MSRA: variants seen among roughly 807,000 people sequenced by gnomAD.
MSRA encodes the protein mitochondrial peptide methionine sulfoxide reductase.
Under a neutral mutation model 31.3 loss-of-function variants are expected in MSRA, and 54 were observed. That is an observed-to-expected ratio of 1.73 (90% confidence interval 1.39 to 2.17). MSRA has a LOEUF of 2.17. Among genes scored for constraint, MSRA ranks in the 30% most tolerant of loss-of-function variants. The pLI is 0.00. For missense variants in MSRA, 507 were observed against 300.9 expected (o/e 1.69, Z -5.07); for synonymous variants, 169 against 116.5 (o/e 1.45, Z -2.90).
At chr8:10,209,956 A>AT (rs1809328052) in intron 2 of MSRA, among the ~76,000 whole-genome samples, 1 of 152,212 alleles carries the variant, frequency 6.6e-6, no homozygotes, top group Non-Finnish European at 1.5e-5. Context: ...GCTCTTCCAG[A>AT]TGCTTAAATT....
At chr8:10,135,527 G>A (rs1228137441) in intron 1 of MSRA, among the ~76,000 whole-genome samples, 2 of 152,250 alleles carry the variant, frequency 1.3e-5, no homozygotes, top group Non-Finnish European at 2.9e-5. Context: ...AATGTGCCAG[G>A]TATTATATTA....
chr8:10,252,921 G>A (rs2952208), intron 3 of MSRA, among the ~76,000 whole-genome samples: 11 of 152,176 alleles, frequency 7.2e-5, no homozygotes, highest in African/African-American at 1.7e-4. Context: ...GTATCTAGGC[G>A]AAATCATGTG....
intron 1 of MSRA, among the ~76,000 whole-genome samples, chr8:10,205,259 G>A (rs1321343275): frequency 6.6e-6 from 1 of 152,094 alleles, no homozygotes; most frequent in African/African-American, 2.4e-5. Context: ...CCGGAAAAAG[G>A]GGTCATGACA....
intron 5 of MSRA, among the ~76,000 whole-genome samples, chr8:10,423,737 A>G (rs1808955059): frequency 6.6e-6 from 1 of 152,044 alleles, no homozygotes; most frequent in Admixed American, 6.5e-5. Flanking sequence ...ACTGGCCAGG[A>G]CTCTGTGACA....
intron 5 of MSRA, among the ~76,000 whole-genome samples, chr8:10,395,567 G>T (rs1386578709): frequency 6.6e-6 from 1 of 152,170 alleles, no homozygotes; most frequent in African/African-American, 2.4e-5. Flanking sequence ...ACTGATGTTC[G>T]AGGAGTTTGA....
rs370775815 is a variant in MSRA at position 10,195,681 on chromosome 8, C to G, written c.143-12152C>G. 2.6e-5 allele frequency among the ~76,000 whole-genome samples: 4 copies of G among 152,304 alleles called. 1 individual carries two copies. The highest frequency in any genetic ancestry group is 2.6e-4 in the Admixed American group (4 of 15,288). On this transcript the variant is annotated intron_variant, in intron 1 of 5. Coordinates refer to ENST00000317173, the MANE Select transcript of MSRA (RefSeq NM_012331.5). ...CAGCTGGCCTGAGCAAAACTGATATCTATGTTTATATCTACAATGATTCCT... is the reference window on the plus strand; with the variant it reads ...CAGCTGGCCTGAGCAAAACTGATATGTATGTTTATATCTACAATGATTCCT...
At chr8:10,332,449 A>T (rs1802757983) in intron 5 of MSRA, among the ~76,000 whole-genome samples, 1 of 144,128 alleles carries the variant, frequency 6.9e-6, no homozygotes, top group Non-Finnish European at 1.5e-5. Flanking sequence ...CAAAAAGAAA[A>T]ATCCCCCCTC....
chr8:10,380,295 G>T (rs1805988905), intron 5 of MSRA, among the ~76,000 whole-genome samples: 1 of 152,154 alleles, frequency 6.6e-6, no homozygotes, highest in African/African-American at 2.4e-5. Flanking sequence ...ACCTCCTTTG[G>T]AAGCTTTTTC....
intron 1 of MSRA, among the ~76,000 whole-genome samples, chr8:10,148,312 T>C (rs886712902): frequency 2.0e-5 from 3 of 152,114 alleles, no homozygotes; most frequent in South Asian, 4.1e-4. Flanking sequence ...TTTCTTTTTT[T>C]TTTTTTTATG....
chr8:10,095,791 A>G, intron 1 of MSRA: 1 of 1,201,164 alleles, frequency 8.3e-7, no homozygotes, highest in African/African-American at 1.6e-5. Context: ...AATGACGTTT[A>G]GTCACCAGTA....
chr8:10,111,080 C>G (rs1320940702), intron 1 of MSRA, among the ~76,000 whole-genome samples: 1 of 152,112 alleles, frequency 6.6e-6, no homozygotes, highest in East Asian at 1.9e-4. Flanking sequence ...TTGATTTGAC[C>G]AAGTGTAGCA....
At chr8:10,325,837 T>C (rs7006402) in intron 5 of MSRA, among the ~76,000 whole-genome samples, 38,698 of 152,116 alleles carry the variant, frequency 0.25, 6,376 homozygotes, top group East Asian at 0.61. Context: ...GACTGGGCTT[T>C]CCTGTGTTTT....
chr8:10,343,706 G>C (rs1446832695), intron 5 of MSRA, among the ~76,000 whole-genome samples: 1 of 152,178 alleles, frequency 6.6e-6, no homozygotes, highest in Admixed American at 6.5e-5. Flanking sequence ...CAAGTCAATA[G>C]ATTTCTGCTG....
rs1053497570 is a variant in MSRA, at chr8:10,267,967, C to G, written c.331+22744C>G. Reference sequence around the variant, plus strand: ...GACCCTGAGGCGGGGTTGCCACATTCATTCCCCTTGCATATTTCCCTCATT... The same window carrying G: ...GACCCTGAGGCGGGGTTGCCACATTGATTCCCCTTGCATATTTCCCTCATT... On this transcript the variant is annotated intron_variant, in intron 3 of 5. Transcript: ENST00000317173. 2.0e-5 allele frequency among the ~76,000 whole-genome samples: 3 copies of G among 152,340 alleles called. No individual in the cohort carries two copies. The South Asian group carries it at 6.2e-4, about 32-fold the overall frequency.
intron 5 of MSRA, among the ~76,000 whole-genome samples, chr8:10,412,132 G>A (rs954246769): frequency 6.6e-6 from 1 of 152,228 alleles, no homozygotes; most frequent in African/African-American, 2.4e-5. Context: ...ATAAAGAAGG[G>A]ATTGATGAAT....
chr8:10,357,356 C>T lies in MSRA; in HGVS notation c.543+37367C>T, dbSNP rs145463084. 1.5e-3 allele frequency among the ~76,000 whole-genome samples: 236 copies of T among 152,364 alleles called. 3 individuals are homozygous for T. The highest frequency in any genetic ancestry group is 5.1e-3 in the African/African-American group (214 of 41,590). ...AGTCAGAATAAATGCTTAATGCTTT[C>T]TCTCGACCCACTTTTCAGACATTGA... is the stretch of plus-strand genomic sequence containing the variant. On this transcript the variant is annotated intron_variant, in intron 5 of 5. Transcript: ENST00000317173.
In MSRA at chr8:10,070,476, A is replaced by C. The variant is rs574385916; in HGVS notation, c.142+15818A>C. 8.5e-5 allele frequency among the ~76,000 whole-genome samples: 13 copies of C among 152,340 alleles called. No homozygotes were observed. The South Asian group carries it at 2.3e-3, about 27-fold the overall frequency. On this transcript the variant is annotated intron_variant, in intron 1 of 5. Transcript: ENST00000317173. ...TACATGCAGTAGTTAGAAGTAATAC[A>C]AACTGTTGTACTCTGTGGATCTGTT...
intron 3 of MSRA, among the ~76,000 whole-genome samples, chr8:10,278,194 G>A (rs1313058617): frequency 3.3e-5 from 5 of 152,132 alleles, no homozygotes; most frequent in Admixed American, 6.5e-5. Flanking sequence ...GTACAGCAGG[G>A]GTGGGGTTGC....
chr8:10,127,255 G>A (rs556950465), intron 1 of MSRA, among the ~76,000 whole-genome samples: 4 of 152,146 alleles, frequency 2.6e-5, no homozygotes, highest in Non-Finnish European at 5.9e-5. Context: ...GGAGTTATTT[G>A]TATCCTACTC....
Sources: allele counts gnomAD v4.1 joint callset (sites outside exome capture counted in the v4.1 genomes callset), GRCh38; gene constraint gnomAD v4.1.1; transcripts MANE v1.5; gene names NCBI Gene and HGNC (gene_info 2026-07-23, HGNC 2026-07-21).